The following APBB1IP variants were observed in gnomAD, a reference collection of about 807,000 sequenced individuals.
APBB1IP encodes amyloid beta A4 precursor protein-binding family B member 1-interacting protein.
APBB1IP carries 27 observed loss-of-function variants against 64.9 expected under a neutral mutation model. The ratio of observed to expected loss-of-function variants is 0.42; its 90% CI spans 0.31 to 0.57. The LOEUF (loss-of-function observed/expected upper bound fraction) is 0.57, where lower values mean the gene tolerates loss of function less well. APBB1IP is among the 20% of genes least tolerant of loss of function. The pLI is 0.20. For missense variants in APBB1IP, 812 were observed against 845.5 expected, an observed-to-expected ratio of 0.96 and a Z score of 0.49; for synonymous variants, 392 against 331.0, an observed-to-expected ratio of 1.18 and a Z score of -2.00.
chr10:26,445,896 A>T (rs1835392949), intron 2 of APBB1IP, among the ~76,000 whole-genome samples: 1 of 138,432 alleles, frequency 7.2e-6, no homozygotes, highest in Non-Finnish European at 1.5e-5. Context: ...GAGATAAGTG[A>T]CATTTCATTT....
At chr10:26,558,350 T>C (rs1312092888) in intron 11 of APBB1IP, among the ~76,000 whole-genome samples, 1 of 152,186 alleles carries the variant, frequency 6.6e-6, no homozygotes, top group African/African-American at 2.4e-5. Flanking sequence ...TCTTGATTCT[T>C]CAAGTATTCT....
chr10:26,515,073 G>A (rs1588597656), intron 8 of APBB1IP, among the ~76,000 whole-genome samples: 2 of 148,668 alleles, frequency 1.3e-5, no homozygotes, highest in East Asian at 2.0e-4. Context: ...AGTAGAGATG[G>A]GGTTTCACCG....
At chr10:26,462,606 T>C (rs998147832) in intron 2 of APBB1IP, among the ~76,000 whole-genome samples, 14 of 152,234 alleles carry the variant, frequency 9.2e-5, no homozygotes, top group African/African-American at 3.4e-4. Flanking sequence ...CCTTTTAATG[T>C]ATTTATGGGA....
chr10:26,466,611 C>T (rs147562572), intron 2 of APBB1IP, among the ~76,000 whole-genome samples: 6 of 152,074 alleles, frequency 3.9e-5, no homozygotes, highest in Admixed American at 2.6e-4. Context: ...GACCAGCCTG[C>T]GCAACATAGC....
At chr10:26,564,580 A>C (rs1234720624) in intron 14 of APBB1IP, among the ~76,000 whole-genome samples, 2 of 152,218 alleles carry the variant, frequency 1.3e-5, no homozygotes, top group African/African-American at 4.8e-5. Flanking sequence ...AGGCAGGCGG[A>C]TCACCTGAGT....
intron 8 of APBB1IP, among the ~76,000 whole-genome samples, chr10:26,521,551 T>C (rs1240332751): frequency 6.6e-6 from 1 of 152,086 alleles, no homozygotes; most frequent in Non-Finnish European, 1.5e-5. Flanking sequence ...TCTTCTTCCC[T>C]TTGGTGGACT....
intron 14 of APBB1IP, among the ~76,000 whole-genome samples, chr10:26,563,579 C>T (rs1041629929): frequency 6.6e-6 from 1 of 152,128 alleles, no homozygotes. Context: ...TATTTAGTTA[C>T]TAATTTAGTT....
chr10:26,524,974 T>TTTA lies in APBB1IP; in HGVS notation c.814-8465_814-8464insTTA, dbSNP rs1554778195. Among the ~76,000 whole-genome samples, 34 of 126,764 alleles carry TTTA rather than the reference T, an allele frequency of 2.7e-4. 2 individuals are homozygous for TTTA. The highest frequency in any genetic ancestry group is 7.8e-4 in the South Asian group (3 of 3,836). 83.2% of individuals were successfully genotyped at this position (126,764 alleles called of 152,430 possible). A position where few individuals can be genotyped will look rare whatever the true frequency, so the allele number is the denominator to read the frequency against. ...TTCTTTCTTTTTTTTTTTTTTTTTT[T>TTTA]ATAAAAAAAGGAATCCTGGCAAGAG... is the stretch of plus-strand genomic sequence containing the variant. On this transcript the variant is annotated intron_variant, in intron 8 of 14. Coordinates refer to ENST00000376236, the MANE Select transcript of APBB1IP (RefSeq NM_019043.4).
chr10:26,505,381 A>C (rs1588591925), intron 6 of APBB1IP, among the ~76,000 whole-genome samples: 1 of 152,128 alleles, frequency 6.6e-6, no homozygotes, highest in East Asian at 1.9e-4. Flanking sequence ...TTAATTCCAC[A>C]GTCCATCATT....
chr10:26,535,984 TA>T lies in APBB1IP; in HGVS notation c.901-86del. 8 of 1,397,354 alleles carry T rather than the reference TA, an allele frequency of 5.7e-6. No individual in the cohort carries two copies. The South Asian group carries it at 1.2e-4, about 21-fold the overall frequency. 86.6% of individuals were successfully genotyped at this position (1,397,354 alleles called of 1,614,324 possible). A position where few individuals can be genotyped will look rare whatever the true frequency, so the allele number is the denominator to read the frequency against. The stretch of plus-strand genomic sequence containing the variant: ...TTGTACACAAAATTGACTTTTAGTT[TA>T]AAAGCTAATTTGTAAGTTTTTAAAT... On this transcript the variant is annotated intron_variant, in intron 9 of 14. Transcript: ENST00000376236.
At chr10:26,519,149 G>A (rs901700038) in intron 8 of APBB1IP, among the ~76,000 whole-genome samples, 2 of 151,384 alleles carry the variant, frequency 1.3e-5, no homozygotes, top group African/African-American at 4.9e-5. Flanking sequence ...GTGGGGGTGG[G>A]GTGGGGTGGG....
chr10:26,534,906 G>C (rs1033531210), intron 9 of APBB1IP, among the ~76,000 whole-genome samples: 3 of 152,276 alleles, frequency 2.0e-5, no homozygotes, highest in Admixed American at 6.5e-5. Context: ...TTATTAACAG[G>C]ATGACTAATA....
At chr10:26,452,865 T>C (rs1026399242) in intron 2 of APBB1IP, among the ~76,000 whole-genome samples, 3 of 152,236 alleles carry the variant, frequency 2.0e-5, no homozygotes, top group African/African-American at 7.2e-5. Flanking sequence ...TAGCCATGTA[T>C]ACTCATTGTT....
At chr10:26,487,538 C>T (rs1835907357) in intron 2 of APBB1IP, among the ~76,000 whole-genome samples, 1 of 152,054 alleles carries the variant, frequency 6.6e-6, no homozygotes, top group African/African-American at 2.4e-5. Flanking sequence ...ATGTTGGCTC[C>T]ACTTAATAAC....
At chr10:26,526,453 G>C (rs1392702917) in intron 8 of APBB1IP, among the ~76,000 whole-genome samples, 1 of 152,160 alleles carries the variant, frequency 6.6e-6, no homozygotes, top group Non-Finnish European at 1.5e-5. Flanking sequence ...AGGCATGGTG[G>C]CTCACGCCTG....
chr10:26,545,782 C>CAA (rs1292950674), intron 11 of APBB1IP, among the ~76,000 whole-genome samples: 2 of 55,910 alleles, frequency 3.6e-5, no homozygotes, highest in East Asian at 4.3e-4. Context: ...AACAAACAAA[C>CAA]AAAAAAAAAC....
intron 2 of APBB1IP, among the ~76,000 whole-genome samples, chr10:26,450,510 A>G (rs1432484986): frequency 6.6e-6 from 1 of 152,212 alleles, no homozygotes; most frequent in Non-Finnish European, 1.5e-5. Context: ...TTTTAGTCAA[A>G]TAGTCCATAG....
chr10:26,544,026 T>C (rs1836730254), intron 11 of APBB1IP, among the ~76,000 whole-genome samples: 1 of 152,184 alleles, frequency 6.6e-6, no homozygotes, highest in Non-Finnish European at 1.5e-5. Flanking sequence ...GTGGTATGTG[T>C]GCAGAGAGAC....
At chr10:26,541,074 CT>C (rs1836690673) in intron 10 of APBB1IP, among the ~76,000 whole-genome samples, 2 of 152,098 alleles carry the variant, frequency 1.3e-5, no homozygotes, top group African/African-American at 4.8e-5. Flanking sequence ...CATCCTGACT[CT>C]GGGAGTCCCC....
Sources: gnomAD v4.1 joint callset for allele counts (sites outside exome capture counted in the v4.1 genomes callset) on GRCh38, gnomAD v4.1.1 for gene constraint, MANE v1.5 for transcripts, NCBI Gene and HGNC (gene_info 2026-07-23, HGNC 2026-07-21) for gene names.